The following PCNX2 variants were observed in gnomAD, a reference collection of about 807,000 sequenced individuals.
PCNX2 encodes pecanex-like protein 2.
PCNX2 carries 168 observed loss-of-function variants against 223.8 expected under a neutral mutation model. The observed-to-expected ratio is 0.75, with a 90% CI of 0.66 to 0.85. The LOEUF (loss-of-function observed/expected upper bound fraction) is 0.85, where lower values mean the gene tolerates loss of function less well. PCNX2 is among the 40% of genes least tolerant of loss of function. The pLI is 0.00. For synonymous variants in PCNX2, 1,006 were observed against 1,052.6 expected, an observed-to-expected ratio of 0.96 and a Z score of 0.86; for missense variants, 2,507 against 2,675.5, an observed-to-expected ratio of 0.94 and a Z score of 1.39.
At chr1:233,140,587 T>C (rs2102777882) in intron 19 of PCNX2, among the ~76,000 whole-genome samples, 1 of 152,298 alleles carries the variant, frequency 6.6e-6, no homozygotes, top group African/African-American at 2.4e-5. Context: ...AAGAGGTTCT[T>C]TCCACCTCCT....
intron 21 of PCNX2, among the ~76,000 whole-genome samples, chr1:233,096,337 G>T (rs187045059): frequency 6.6e-6 from 1 of 152,304 alleles, no homozygotes; most frequent in South Asian, 2.1e-4. Context: ...GCTAAGACAG[G>T]ATATGAAGCT....
At chr1:233,196,677 G>T (rs1040966842) in intron 15 of PCNX2, among the ~76,000 whole-genome samples, 1 of 152,058 alleles carries the variant, frequency 6.6e-6, no homozygotes, top group Non-Finnish European at 1.5e-5. Flanking sequence ...ACACGAGAAT[G>T]GATTTAAGAA....
At position 233,028,218 on chromosome 1, in the gene PCNX2, A is replaced by T. The variant is rs1221402338; in HGVS notation, c.4352-2819T>A. Among the ~76,000 whole-genome samples, 3 of 152,224 alleles carry T rather than the reference A, an allele frequency of 2.0e-5. No individual in the cohort carries two copies. In the East Asian group the frequency reaches 5.8e-4, roughly 29 times the overall value. ...AACATCTGTATTCTGCTGTTGCTAC[A>T]TGAAGTGTTCTGTAAATGTCAATTA... is the stretch of plus-strand genomic sequence containing the variant. On this transcript the variant is annotated intron_variant, in intron 25 of 33. Transcript: ENST00000258229.
At chr1:233,017,516 C>G (rs779304331) in intron 26 of PCNX2, among the ~76,000 whole-genome samples, 1 of 152,030 alleles carries the variant, frequency 6.6e-6, no homozygotes, top group Non-Finnish European at 1.5e-5. Flanking sequence ...CGGGGTTTCA[C>G]CATGTTAGCC....
At chr1:233,096,237 C>T (rs983112374) in intron 21 of PCNX2, among the ~76,000 whole-genome samples, 2 of 152,058 alleles carry the variant, frequency 1.3e-5, no homozygotes, top group East Asian at 1.9e-4. Context: ...GAGGTTTTTG[C>T]GTGTTAATTT....
the PCNX2 span, among the ~76,000 whole-genome samples, chr1:233,323,991 A>G: frequency 6.6e-6 from 1 of 152,250 alleles, no homozygotes; most frequent in Non-Finnish European, 1.5e-5. Context: ...TGCTACTCCA[A>G]TAAACACATG....
chr1:233,166,376 T>C (rs1678795631), intron 17 of PCNX2, among the ~76,000 whole-genome samples: 2 of 151,480 alleles, frequency 1.3e-5, no homozygotes, highest in African/African-American at 4.9e-5. Context: ...GTTGGAACTA[T>C]AAAAGAAAAA....
intron 25 of PCNX2, among the ~76,000 whole-genome samples, chr1:233,046,108 G>T (rs1424764593): frequency 6.6e-6 from 1 of 152,214 alleles, no homozygotes; most frequent in Non-Finnish European, 1.5e-5. Flanking sequence ...TGGGGAGCTT[G>T]CCTCCTCTCT....
chr1:233,304,400 C>T, the PCNX2 span, among the ~76,000 whole-genome samples: 8 of 152,056 alleles, frequency 5.3e-5, no homozygotes, highest in Non-Finnish European at 1.0e-4. Context: ...GAAATACAGA[C>T]GACAAAAAGA....
the PCNX2 span, among the ~76,000 whole-genome samples, chr1:233,315,476 T>C: frequency 6.6e-6 from 1 of 152,236 alleles, no homozygotes; most frequent in East Asian, 1.9e-4. Context: ...TTAATATTAG[T>C]CTAATTTTAT....
intron 23 of PCNX2, among the ~76,000 whole-genome samples, chr1:233,079,652 GA>G (rs1673266883): frequency 6.6e-6 from 1 of 152,128 alleles, no homozygotes; most frequent in African/African-American, 2.4e-5. Context: ...TGGCTTAAGT[GA>G]AATAAAGAAT....
At chr1:233,114,026 C>A (rs1327054685) in intron 21 of PCNX2, among the ~76,000 whole-genome samples, 1 of 152,152 alleles carries the variant, frequency 6.6e-6, no homozygotes, top group African/African-American at 2.4e-5. Flanking sequence ...AGACAAAGAT[C>A]TTTTCCTTCA....
At chr1:233,006,759 T>C (rs905785139) in intron 28 of PCNX2, among the ~76,000 whole-genome samples, 5 of 152,188 alleles carry the variant, frequency 3.3e-5, no homozygotes, top group African/African-American at 9.7e-5. Context: ...CAGATTAGCA[T>C]TGTGAAGCGC....
In PCNX2 at chr1:233,277,792, A is replaced by G. The variant is rs558852357; in HGVS notation, c.154-14629T>C. Among the ~76,000 whole-genome samples the G allele has an allele frequency of 6.4e-4, 98 of 152,222 alleles. 1 individual carries two copies. The highest frequency in any genetic ancestry group is 2.2e-3 in the African/African-American group (90 of 41,534). On this transcript the variant is annotated intron_variant, in intron 1 of 33. Transcript: ENST00000258229. ...CACAGATGCAACAGGCGAAGTCAAC[A>G]CGGTGCCTTGACTCTCCACAGGAGA...
At chr1:233,256,164 G>C (rs1041338846) in intron 5 of PCNX2, among the ~76,000 whole-genome samples, 4 of 152,102 alleles carry the variant, frequency 2.6e-5, no homozygotes, top group African/African-American at 9.7e-5. Flanking sequence ...CCTTCTGATT[G>C]AATGTGGCTG....
chr1:233,059,838 C>T (rs1265476510), intron 23 of PCNX2, among the ~76,000 whole-genome samples: 2 of 152,274 alleles, frequency 1.3e-5, no homozygotes, highest in East Asian at 3.9e-4. Flanking sequence ...ATGAAAAGCA[C>T]TTGTCAGAAA....
intron 12 of PCNX2, among the ~76,000 whole-genome samples, chr1:233,217,523 C>T (rs1017072050): frequency 3.3e-5 from 5 of 152,052 alleles, no homozygotes; most frequent in Non-Finnish European, 7.4e-5. Context: ...ATGAAAAGGC[C>T]CAGTATGTTG....
At chr1:233,084,042 T>C (rs1673482293) in intron 23 of PCNX2, among the ~76,000 whole-genome samples, 1 of 152,168 alleles carries the variant, frequency 6.6e-6, no homozygotes, top group African/African-American at 2.4e-5. Context: ...TACATAGAAA[T>C]GACTTACACA....
intron 32 of PCNX2, among the ~76,000 whole-genome samples, chr1:232,997,471 G>A (rs1247428793): frequency 6.6e-6 from 1 of 152,154 alleles, no homozygotes; most frequent in Non-Finnish European, 1.5e-5. Context: ...TGGATGGTGA[G>A]GAAGAACTGA....
Sources: allele counts gnomAD v4.1 joint callset (sites outside exome capture counted in the v4.1 genomes callset), GRCh38; gene constraint gnomAD v4.1.1; transcripts MANE v1.5; gene names NCBI Gene and HGNC (gene_info 2026-07-23, HGNC 2026-07-21).